WDFY3: variants seen among roughly 807,000 people sequenced by gnomAD.
WDFY3 encodes the protein WD repeat and FYVE domain-containing protein 3.
WDFY3 carries 66 observed loss-of-function variants against 409.6 expected under a neutral mutation model. That is an observed-to-expected ratio of 0.16 (90% CI 0.13 to 0.20). WDFY3 has a LOEUF of 0.20. Ranked by LOEUF, WDFY3 falls within the 10% of genes least tolerant of loss-of-function variation. The pLI, the probability that WDFY3 is intolerant of heterozygous loss-of-function variation, is 1.00. For synonymous variants in WDFY3, 1,521 were observed against 1,537.1 expected (o/e 0.99, Z 0.25); for missense variants, 3,031 against 4,298.1 (o/e 0.71, Z 8.24).
At chr4:84,879,827 T>C (rs570255697) in intron 3 of WDFY3, among the ~76,000 whole-genome samples, 13 of 152,004 alleles carry the variant, frequency 8.6e-5, no homozygotes, top group South Asian at 2.1e-4. Context: ...AAAAGACAAA[T>C]AGGCATTTCA....
intron 30 of WDFY3, among the ~76,000 whole-genome samples, chr4:84,766,993 A>G (rs567773164): frequency 1.2e-4 from 19 of 152,304 alleles, no homozygotes; most frequent in Non-Finnish European, 2.2e-4. Context: ...CAGCAGAGCT[A>G]TGAGTTACTG....
At chr4:84,948,911 T>G (rs1773244956) in intron 1 of WDFY3, among the ~76,000 whole-genome samples, 1 of 152,126 alleles carries the variant, frequency 6.6e-6, no homozygotes, top group South Asian at 2.1e-4. Context: ...TTTGCATTCA[T>G]TTCGTCATTT....
chr4:84,797,557 C>CTTATTTATTTATTTAT (rs71670883), intron 18 of WDFY3, among the ~76,000 whole-genome samples: 29 of 145,712 alleles, frequency 2.0e-4, no homozygotes, highest in East Asian at 6.1e-4. Flanking sequence ...CAACTCAATT[C>CTTATTTATTTATTTAT]TTATTTATTT....
At chr4:84,734,909 A>AT in intron 43 of WDFY3, 134 bp downstream of exon 43, 1 of 723,772 alleles carries the variant, frequency 1.4e-6, no homozygotes, top group Non-Finnish European at 2.2e-6. Context: ...GGCAGGAATA[A>AT]TTAAAACCAT....
intron 51 of WDFY3, 116 bp downstream of exon 51, chr4:84,713,043 A>C (rs771668164): frequency 2.7e-6 from 3 of 1,109,988 alleles, no homozygotes; most frequent in Non-Finnish European, 4.0e-6. Flanking sequence ...TTTTTTAAAA[A>C]AATTTGCAAC....
At chr4:84,689,091 G>C (rs1728818414) in intron 61 of WDFY3, among the ~76,000 whole-genome samples, 1 of 152,224 alleles carries the variant, frequency 6.6e-6, no homozygotes. Context: ...TAGAATGTAA[G>C]AGGTTGCCTC....
At chr4:84,844,750 T>G (rs551731935) in intron 5 of WDFY3, among the ~76,000 whole-genome samples, 1 of 152,222 alleles carries the variant, frequency 6.6e-6, no homozygotes, top group Non-Finnish European at 1.5e-5. Context: ...AAATTGACCA[T>G]GTGCCCTTAA....
intron 5 of WDFY3, among the ~76,000 whole-genome samples, chr4:84,847,267 T>G (rs747360609): frequency 6.6e-6 from 1 of 152,114 alleles, no homozygotes; most frequent in Non-Finnish European, 1.5e-5. Context: ...CAAGATCATC[T>G]TATGTTGCAG....
intron 47 of WDFY3, 77 bp downstream of exon 47, chr4:84,721,332 C>G: frequency 6.4e-7 from 1 of 1,555,718 alleles, no homozygotes; most frequent in Non-Finnish European, 8.7e-7. Context: ...CTTTCCACAG[C>G]TACCCTATCA....
intron 1 of WDFY3, among the ~76,000 whole-genome samples, chr4:84,943,558 A>G (rs1772414073): frequency 2.0e-5 from 3 of 152,182 alleles, no homozygotes; most frequent in Non-Finnish European, 4.4e-5. Flanking sequence ...ATGTGTATAA[A>G]TCGACGGTTT....
In WDFY3 at chr4:84,798,407, C is replaced by CA. The variant is rs1384513279; in HGVS notation, c.2823-300dup. 2.6e-5 allele frequency among the ~76,000 whole-genome samples: 4 copies of CA among 151,980 alleles called. No homozygotes were observed. In the East Asian group the frequency reaches 5.8e-4, roughly 22 times the overall value. ...AAATTCCAACAGACTAATTACAATA[C>CA]AAAAAATGCAAGTATAGTAAAACAT... is the stretch of plus-strand genomic sequence containing the variant. On this transcript the variant is annotated intron_variant, in intron 17 of 67. Transcript: ENST00000295888.
At chr4:84,959,315 C>T (rs986037018) in intron 1 of WDFY3, among the ~76,000 whole-genome samples, 3 of 151,924 alleles carry the variant, frequency 2.0e-5, no homozygotes, top group Admixed American at 6.6e-5. Context: ...AAAAGGTATA[C>T]TGGAAAGACC....
At chr4:84,738,166 G>A (rs1737782642) in intron 40 of WDFY3, among the ~76,000 whole-genome samples, 2 of 152,110 alleles carry the variant, frequency 1.3e-5, no homozygotes, top group African/African-American at 2.4e-5. Flanking sequence ...TAAAACTATC[G>A]CACAGTATTT....
At position 84,691,204 on chromosome 4, in the gene WDFY3, G is replaced by A. The variant is rs1422625546; in HGVS notation, c.9204+427C>T. 2.0e-5 allele frequency among the ~76,000 whole-genome samples: 3 copies of A among 152,180 alleles called. No individual in the cohort carries two copies. In the East Asian group the frequency reaches 5.8e-4, roughly 29 times the overall value. On this transcript the variant is annotated intron_variant, in intron 60 of 67. Coordinates refer to ENST00000295888, the MANE Select transcript of WDFY3 (RefSeq NM_014991.6). Reference sequence around the variant, plus strand: ...ACTTATGGGACCCAAAACAGTTGCTGTTGCTTCTTGTGGGATGGAGCAACA... The same window carrying A: ...ACTTATGGGACCCAAAACAGTTGCTATTGCTTCTTGTGGGATGGAGCAACA...
intron 65 of WDFY3, 68 bp from the exon 66 acceptor site, chr4:84,678,347 C>CTG: frequency 8.4e-7 from 1 of 1,192,562 alleles, no homozygotes. Flanking sequence ...GAGAACTACT[C>CTG]TAAGATGGTG....
intron 1 of WDFY3, among the ~76,000 whole-genome samples, chr4:84,954,338 T>C (rs997657627): frequency 2.6e-5 from 4 of 152,182 alleles, no homozygotes; most frequent in South Asian, 2.1e-4. Context: ...ATAACTGATA[T>C]AGAGTTTATT....
intron 3 of WDFY3, among the ~76,000 whole-genome samples, chr4:84,870,902 A>T (rs1578906669): frequency 1.3e-5 from 2 of 152,188 alleles, no homozygotes; most frequent in East Asian, 3.9e-4. Flanking sequence ...AAAAAAAGAA[A>T]TGCTAGAAAT....
chr4:84,828,687 A>G (rs11097025), intron 9 of WDFY3, among the ~76,000 whole-genome samples: 109,782 of 152,034 alleles, frequency 0.72, 40,912 homozygotes, highest in East Asian at 0.88. Context: ...GCTTGAGGCC[A>G]AGAGTTTGAG....
At chr4:84,938,354 T>C (rs940701438) in intron 1 of WDFY3, among the ~76,000 whole-genome samples, 1 of 151,972 alleles carries the variant, frequency 6.6e-6, no homozygotes, top group African/African-American at 2.4e-5. Flanking sequence ...AGATAATTGA[T>C]AATGATGATA....
Sources: allele counts gnomAD v4.1 joint callset (sites outside exome capture counted in the v4.1 genomes callset), GRCh38; gene constraint gnomAD v4.1.1; transcripts MANE v1.5; gene names NCBI Gene and HGNC (gene_info 2026-07-23, HGNC 2026-07-21).